The following USP24 variants were observed in gnomAD, a reference collection of about 807,000 sequenced individuals.
USP24 encodes the protein ubiquitin specific peptidase 24, also known as ubiquitin carboxyl-terminal hydrolase 24.
A neutral mutation model predicts 361.6 loss-of-function variants in USP24; 97 were observed. The observed-to-expected ratio is 0.27, with a 90% CI of 0.23 to 0.32. USP24 has a LOEUF of 0.32. Among genes scored for constraint, USP24 ranks in the 10% least tolerant of loss-of-function variants. The pLI is 1.00. For missense variants in USP24, 2,353 were observed against 3,165.6 expected, an observed-to-expected ratio of 0.74 and a Z score of 6.16; for synonymous variants, 1,098 against 1,124.6, an observed-to-expected ratio of 0.98 and a Z score of 0.47.
intron 1 of USP24, among the ~76,000 whole-genome samples, chr1:55,186,612 T>G (rs547392033): frequency 5.3e-5 from 8 of 152,326 alleles, no homozygotes; most frequent in Admixed American, 1.3e-4. Flanking sequence ...TGATACATGT[T>G]ACAACATGGA....
rs1328856406 is a variant in USP24 at position 55,215,220 on chromosome 1, C to T, written c.-107G>A. On this transcript the variant is annotated 5_prime_UTR_variant, in exon 1 of 68. Coordinates refer to ENST00000294383, the MANE Select transcript of USP24 (RefSeq NM_015306.3). ...CGCGCCGCCTCCGCGCCCAGGTTGGCCCCTGCGTTCCTGCCCCGGGTGCTC... is the reference window on the plus strand; with the variant it reads ...CGCGCCGCCTCCGCGCCCAGGTTGGTCCCTGCGTTCCTGCCCCGGGTGCTC... 31 of 932,906 alleles carry T rather than the reference C, an allele frequency of 3.3e-5. No individual in the cohort carries two copies. Among genetic ancestry groups the T allele is most frequent in the Non-Finnish European group, 4.1e-5 (30 of 728,596 alleles). 57.8% of individuals were successfully genotyped at this position (932,906 alleles called of 1,614,324 possible). A position where few individuals can be genotyped will look rare whatever the true frequency, so the allele number is the denominator to read the frequency against.
chr1:55,107,774 A>C (rs1200287237), intron 39 of USP24, among the ~76,000 whole-genome samples: 3 of 130,094 alleles, frequency 2.3e-5, no homozygotes, highest in Non-Finnish European at 4.7e-5. Flanking sequence ...CCCAGGAAGC[A>C]GAGGTTGCAG....
At chr1:55,117,785 A>G (rs1646164997) in intron 38 of USP24, among the ~76,000 whole-genome samples, 1 of 151,280 alleles carries the variant, frequency 6.6e-6, no homozygotes, top group Non-Finnish European at 1.5e-5. Context: ...TAGAACTAAT[A>G]AATAAATTCA....
chr1:55,182,704 G>A (rs1045725112), intron 1 of USP24, among the ~76,000 whole-genome samples: 4 of 151,888 alleles, frequency 2.6e-5, no homozygotes, highest in Non-Finnish European at 4.4e-5. Context: ...GAGAAAACCC[G>A]AAATGAAAAA....
At chr1:55,083,471 G>T in intron 57 of USP24, 107 bp from the exon 58 acceptor site, 1 of 1,076,680 alleles carries the variant, frequency 9.3e-7, no homozygotes, top group Non-Finnish European at 1.3e-6. Context: ...TATTTTTTAA[G>T]AATATTATTT....
Position 55,177,974 on chromosome 1 carries a change from T to C in USP24, c.483A>G (p.Ala161=), listed in dbSNP as rs183140345. The change falls in exon 2 of 68, where the codon GCA becomes GCG. Residue 161 remains alanine, a synonymous_variant. Coordinates refer to ENST00000294383, the MANE Select transcript of USP24 (RefSeq NM_015306.3). The part of the protein sequence containing the change: ...GKCLLASTYL[A]RLGLSESDEN... ...TAAGGTCTGAAAACTTACCAAGTCT[T>C]GCTAGGTAGGTAGATGCCAACAGGC... The C allele has an allele frequency of 1.3e-6, 2 of 1,551,264 alleles. No homozygotes were observed. The highest frequency in any genetic ancestry group is 8.7e-7 in the Non-Finnish European group (1 of 1,146,858).
intron 4 of USP24, 140 bp from the exon 5 acceptor site, chr1:55,171,818 T>C (rs1304234575): frequency 5.3e-6 from 5 of 950,296 alleles, no homozygotes; most frequent in Non-Finnish European, 7.7e-6. Flanking sequence ...AGCATACGCC[T>C]TAGCTAGTGC....
In USP24 at chr1:55,095,271, C is replaced by T. The variant is rs1288596326; in HGVS notation, c.6187G>A (p.Ala2063Thr). ...KSRVSVVRQEAEDLSLSAPSS... is the reference protein window; with the variant it reads ...KSRVSVVRQETEDLSLSAPSS... Reference sequence around the variant, plus strand: ...GACACTTACAGAGAGAGATCCTCAGCTTCCTGCCGTACAACGCTGACTCGA... The same window carrying T: ...GACACTTACAGAGAGAGATCCTCAGTTTCCTGCCGTACAACGCTGACTCGA... The change falls in exon 51 of 68, where the codon GCT (alanine) becomes ACT (threonine). Residue 2063 changes from alanine to threonine, a missense_variant. Physicochemically the swap from Ala to Thr is moderately conservative, Grantham distance 58. Coordinates refer to ENST00000294383, the MANE Select transcript of USP24 (RefSeq NM_015306.3). 6.2e-7 allele frequency: 1 copy of T among 1,613,624 alleles called. No individual in the cohort carries two copies. Among genetic ancestry groups the T allele is most frequent in the Non-Finnish European group, 8.5e-7 (1 of 1,179,740 alleles).
chr1:55,075,670 AC>A (rs1645014592), intron 62 of USP24, 147 bp from the exon 63 acceptor site: 4,910 of 151,020 alleles, frequency 0.033, 50 homozygotes, highest in Admixed American at 0.06. Context: ...CAACAACACC[AC>A]CACCACCAAT....
intron 64 of USP24, chr1:55,073,109 T>C: frequency 2.1e-6 from 1 of 476,728 alleles, no homozygotes; most frequent in South Asian, 3.7e-5. Flanking sequence ...TTTCAGAAGA[T>C]GAAAAGAGTT....
Position 55,178,091 on chromosome 1 carries a change from T to C in USP24, c.366A>G (p.Glu122=). The C allele has an allele frequency of 6.4e-7, 1 of 1,551,494 alleles. No homozygotes were observed. Among genetic ancestry groups the C allele is most frequent in the Non-Finnish European group, 8.7e-7 (1 of 1,146,850 alleles). Reference sequence around the variant, plus strand: ...GTTCATATAAATTTGTTGTAGGGAATTCAATTCCTTCCCCTGAGCAGTTTC... The same window carrying C: ...GTTCATATAAATTTGTTGTAGGGAACTCAATTCCTTCCCCTGAGCAGTTTC... ...ENGNCSGEGI[E]FPTTNLYELE... is the part of the protein sequence containing the mutation. Residue 122 remains glutamate, a synonymous_variant, in exon 2 of 68, where the codon GAA becomes GAG. Transcript: ENST00000294383.
chr1:55,126,697 C>A (rs1376877779), intron 32 of USP24, among the ~76,000 whole-genome samples: 1 of 152,230 alleles, frequency 6.6e-6, no homozygotes, highest in Non-Finnish European at 1.5e-5. Flanking sequence ...AATAAAGCTA[C>A]ACATGTGTGC....
At chr1:55,197,917 G>A in intron 1 of USP24, among the ~76,000 whole-genome samples, 1 of 152,150 alleles carries the variant, frequency 6.6e-6, no homozygotes, top group East Asian at 1.9e-4. Context: ...CTTGTGAAAA[G>A]CAAATGCTAT....
At chr1:55,118,601 A>G (rs1646188894) in intron 38 of USP24, among the ~76,000 whole-genome samples, 1 of 152,232 alleles carries the variant, frequency 6.6e-6, no homozygotes, top group Admixed American at 6.5e-5. Context: ...AAATACATAC[A>G]CAGGACACCA....
intron 7 of USP24, among the ~76,000 whole-genome samples, chr1:55,163,817 C>G (rs745878273): frequency 1.3e-5 from 2 of 151,990 alleles, no homozygotes; most frequent in Non-Finnish European, 1.5e-5. Flanking sequence ...GCAAAATCTG[C>G]ATCCCAGATT....
intron 18 of USP24, among the ~76,000 whole-genome samples, chr1:55,147,340 A>AC (rs1200025963): frequency 9.2e-5 from 14 of 152,288 alleles, no homozygotes; most frequent in African/African-American, 3.1e-4. Context: ...ACAACTGGTG[A>AC]GTTAAGATTT....
At position 55,215,072 on chromosome 1, in the gene USP24, G is replaced by A; in HGVS notation, c.42C>T (p.Cys14=). The change falls in exon 1 of 68, where the codon TGC becomes TGT. Residue 14 remains cysteine, a synonymous_variant. Transcript: ENST00000294383. ...EEEQHMTTLL[C]MGFSDPATIR... is the part of the protein sequence containing the mutation. ...TGGTGGCGGGGTCTGAGAAGCCCAT[G>A]CACAGCAGCGTGGTCATGTGCTGCT... 1 of 1,425,266 alleles carries A rather than the reference G, an allele frequency of 7.0e-7. No individual in the cohort carries two copies. The highest frequency in any genetic ancestry group is 9.2e-7 in the Non-Finnish European group (1 of 1,083,918). The allele number at this position is 1,425,266 out of a possible 1,614,324, so 88.3% of individuals were successfully genotyped here. A position where few individuals can be genotyped will look rare whatever the true frequency, so the allele number is the denominator to read the frequency against.
intron 59 of USP24, 132 bp from the exon 60 acceptor site, chr1:55,079,791 A>C: frequency 9.4e-7 from 1 of 1,069,430 alleles, no homozygotes; most frequent in Non-Finnish European, 1.2e-6. Context: ...GTACTCACAC[A>C]CTGAGTACTC....
intron 38 of USP24, among the ~76,000 whole-genome samples, chr1:55,113,452 T>A (rs1362311239): frequency 6.6e-6 from 1 of 151,948 alleles, no homozygotes; most frequent in Admixed American, 6.6e-5. Context: ...CTACCAGAGG[T>A]ACAAAGAGGA....
Sources: allele counts gnomAD v4.1 joint callset (sites outside exome capture counted in the v4.1 genomes callset), GRCh38; gene constraint gnomAD v4.1.1; transcripts MANE v1.5; gene names NCBI Gene and HGNC (gene_info 2026-07-23, HGNC 2026-07-21).